Variants in SMARCB1 observed in about 807,000 individuals in gnomAD.
SMARCB1 encodes the protein SWI/SNF-related matrix-associated actin-dependent regulator of chromatin subfamily B member 1.
A neutral mutation model predicts 49.0 loss-of-function variants in SMARCB1; 5 were observed. The observed-to-expected ratio is 0.10, with a 90% CI of 0.05 to 0.21. SMARCB1 has a LOEUF of 0.21. SMARCB1 is among the 10% of genes least tolerant of loss of function. The probability of loss-of-function intolerance (pLI) is 1.00; values close to 1 mark genes in which losing one functional copy is unlikely to be tolerated. For missense variants in SMARCB1, 226 were observed against 509.2 expected, an observed-to-expected ratio of 0.44 and a Z score of 5.35; for synonymous variants, 201 against 200.1, an observed-to-expected ratio of 1.00 and a Z score of -0.04.
Position 23,800,932 on chromosome 22 carries a change from G to T in SMARCB1, c.363-12G>T, listed in dbSNP as rs766691500. ...TATACTGACTGGGAGGACTTTTCTT[G>T]TATCTCCTCAGGGAACAGAAGGCCA... On this transcript the variant is annotated splice_polypyrimidine_tract_variant and intron_variant, in intron 3 of 8. Coordinates refer to ENST00000644036, the MANE Select transcript of SMARCB1 (RefSeq NM_003073.5). The T allele has an allele frequency of 2.5e-6, 4 of 1,609,490 alleles. No individual in the cohort carries two copies. In the African/African-American group the frequency reaches 4.0e-5, roughly 16 times the overall value.
At chr22:23,805,452 C>T (rs1929435836) in intron 5 of SMARCB1, among the ~76,000 whole-genome samples, 1 of 152,188 alleles carries the variant, frequency 6.6e-6, no homozygotes, top group Non-Finnish European at 1.5e-5. Flanking sequence ...TAATTCTTTT[C>T]TCTCCCTCTC....
At chr22:23,829,861 C>G (rs2030567895) in intron 7 of SMARCB1, among the ~76,000 whole-genome samples, 1 of 152,218 alleles carries the variant, frequency 6.6e-6, no homozygotes, top group Admixed American at 6.5e-5. Flanking sequence ...CATCCACTTT[C>G]TATCTGTAGA....
chr22:23,804,785 C>T (rs911980246), intron 5 of SMARCB1, among the ~76,000 whole-genome samples: 1 of 152,204 alleles, frequency 6.6e-6, no homozygotes, highest in African/African-American at 2.4e-5. Flanking sequence ...AGGTGATCCG[C>T]CTGCCGTGGC....
intron 5 of SMARCB1, among the ~76,000 whole-genome samples, chr22:23,805,598 C>T (rs1245405828): frequency 2.0e-5 from 3 of 152,184 alleles, no homozygotes; most frequent in Admixed American, 2.0e-4. Context: ...TTCCGCCTCC[C>T]AGGTTCAAGT....
chr22:23,787,083 T>C lies in SMARCB1; in HGVS notation c.-87T>C. The C allele has an allele frequency of 1.1e-6, 1 of 870,436 alleles. No homozygotes were observed. Among genetic ancestry groups the C allele is most frequent in the East Asian group, 2.8e-5 (1 of 35,334 alleles). The allele number at this position is 870,436 out of a possible 1,614,324, so 53.9% of individuals were successfully genotyped here. On this transcript the variant is annotated 5_prime_UTR_variant, in exon 1 of 9. Transcript: ENST00000644036. ...TCCGCATTTCGCCTTCCGGCTTCGG[T>C]TTCCCTCGGCCCAGCACGCCCCGGC...
intron 6 of SMARCB1, 98 bp downstream of exon 6, chr22:23,817,034 G>A (rs1158309927): frequency 1.1e-4 from 111 of 966,872 alleles, no homozygotes; most frequent in Non-Finnish European, 1.4e-4. Flanking sequence ...GCAGAAGCCC[G>A]TCTTTGGGTT....
At chr22:23,808,922 TC>T (rs1373855546) in intron 5 of SMARCB1, among the ~76,000 whole-genome samples, 1 of 150,844 alleles carries the variant, frequency 6.6e-6, no homozygotes, top group African/African-American at 2.5e-5. Flanking sequence ...GGCCTTGAAC[TC>T]CCACCTCAGG....
In SMARCB1 at chr22:23,787,242, T is replaced by C; in HGVS notation, c.73T>C (p.Phe25Leu). ...GTTCCAGCTGGAGGACGACGGCGAG[T>C]TCTACATGATCGGCTCCGAGGTAGC... ...VKFQLEDDGE[F>L]YMIGSEVGNY... is the part of the protein sequence containing the mutation. The change falls in exon 1 of 9, where the codon TTC becomes CTC. Residue 25 changes from phenylalanine (F) to leucine (L), a missense_variant. By Grantham distance (22) the Phe-to-Leu change is conservative (BLOSUM62 0). Coordinates refer to ENST00000644036, the MANE Select transcript of SMARCB1 (RefSeq NM_003073.5). 6.2e-7 allele frequency: 1 copy of C among 1,603,360 alleles called. No homozygotes were observed. The highest frequency in any genetic ancestry group is 8.5e-7 in the Non-Finnish European group (1 of 1,173,624).
At chr22:23,801,169 C>T (rs1445876497) in intron 4 of SMARCB1, 88 bp downstream of exon 4, 3 of 1,595,458 alleles carry the variant, frequency 1.9e-6, no homozygotes, top group Non-Finnish European at 2.6e-6. Flanking sequence ...CAGAAAAACA[C>T]TCTGCTTTGA....
chr22:23,807,943 C>T (rs1252584343), intron 5 of SMARCB1, among the ~76,000 whole-genome samples: 9 of 136,750 alleles, frequency 6.6e-5, no homozygotes, highest in African/African-American at 1.4e-4. Context: ...TACAGGTGCC[C>T]ACCACCACAC....
rs1167590722 is a variant in SMARCB1, at chr22:23,837,849, CAGCAGCTGGGCCAGA to C, written c.*3670_*3684del. 1.2e-6 allele frequency: 2 copies of C among 1,611,110 alleles called. No homozygotes were observed. The highest frequency in any genetic ancestry group is 1.7e-6 in the Non-Finnish European group (2 of 1,178,380). On this transcript the variant is annotated 3_prime_UTR_variant, in exon 9 of 9. Coordinates refer to ENST00000644036, the MANE Select transcript of SMARCB1 (RefSeq NM_003073.5). ...GGAAGAACAGGCTGCCCAGGAGTCC[CAGCAGCTGGGCCAGA>C]GTCAAGGTGCTCCGGTGCAGGCCTC...
intron 6 of SMARCB1, 167 bp downstream of exon 6, chr22:23,817,103 G>T: frequency 1.5e-6 from 1 of 649,250 alleles, no homozygotes; most frequent in South Asian, 1.7e-5. Context: ...CCCAGGAAGG[G>T]CATAGGCTGA....
chr22:23,796,346 C>A (rs1357269494), intron 3 of SMARCB1, among the ~76,000 whole-genome samples: 2 of 151,950 alleles, frequency 1.3e-5, no homozygotes, highest in African/African-American at 4.8e-5. Flanking sequence ...AAGGTGTGAC[C>A]CATACATGGT....
intron 5 of SMARCB1, among the ~76,000 whole-genome samples, chr22:23,807,521 G>A (rs933989072): frequency 6.6e-6 from 1 of 151,926 alleles, no homozygotes; most frequent in African/African-American, 2.4e-5. Flanking sequence ...GCTTCAGTGA[G>A]CCGTGATTGA....
chr22:23,803,275 T>C lies in SMARCB1; in HGVS notation c.501-20T>C, dbSNP rs780209774. 6.2e-7 allele frequency: 1 copy of C among 1,614,120 alleles called. No individual in the cohort carries two copies. Among genetic ancestry groups the C allele is most frequent in the Non-Finnish European group, 8.5e-7 (1 of 1,180,044 alleles). ...GGGCTCCGGCCCCCTCGCTGACTGTTGCTTCCATTTCACTTTCAGCTTTGA... is the reference window on the plus strand; with the variant it reads ...GGGCTCCGGCCCCCTCGCTGACTGTCGCTTCCATTTCACTTTCAGCTTTGA... On this transcript the variant is annotated intron_variant, in intron 4 of 8. Transcript: ENST00000644036.
In SMARCB1 at chr22:23,837,145, A is replaced by T. The variant is rs1568968401; in HGVS notation, c.*2965A>T. ...CTCCAGGAAGTAGTAGATATGGCCC[A>T]CCGCAATCCCTGTGAGACAGCCACG... On this transcript the variant is annotated 3_prime_UTR_variant, in exon 9 of 9. Coordinates refer to ENST00000644036, the MANE Select transcript of SMARCB1 (RefSeq NM_003073.5). 1.2e-6 allele frequency: 2 copies of T among 1,613,848 alleles called. No homozygotes were observed. The highest frequency in any genetic ancestry group is 8.5e-7 in the Non-Finnish European group (1 of 1,179,884).
At chr22:23,804,936 A>T (rs755967419) in intron 5 of SMARCB1, among the ~76,000 whole-genome samples, 13 of 152,228 alleles carry the variant, frequency 8.5e-5, no homozygotes, top group Non-Finnish European at 1.9e-4. Flanking sequence ...AGACGGCTCC[A>T]CAGCAGATAA....
intron 3 of SMARCB1, among the ~76,000 whole-genome samples, chr22:23,794,196 C>T (rs1928601116): frequency 6.6e-6 from 1 of 152,276 alleles, no homozygotes; most frequent in African/African-American, 2.4e-5. Context: ...CCCGCCTTGG[C>T]ATCCCAGAGT....
chr22:23,813,297 A>G (rs1479286972), intron 5 of SMARCB1, among the ~76,000 whole-genome samples: 1 of 152,246 alleles, frequency 6.6e-6, no homozygotes, highest in East Asian at 1.9e-4. Flanking sequence ...GTAAGCTGAG[A>G]AAAGGAAATA....
Sources: gnomAD v4.1 joint callset for allele counts (sites outside exome capture counted in the v4.1 genomes callset) on GRCh38, gnomAD v4.1.1 for gene constraint, MANE v1.5 for transcripts, NCBI Gene and HGNC (gene_info 2026-07-23, HGNC 2026-07-21) for gene names.